The following UQCC1 variants were observed in gnomAD, a reference collection of about 807,000 sequenced individuals.
UQCC1 encodes ubiquinol-cytochrome c reductase complex assembly factor 1.
UQCC1 carries 38 observed loss-of-function variants against 48.0 expected under a neutral mutation model. The ratio of observed to expected loss-of-function variants is 0.79; its 90% CI spans 0.61 to 1.04. UQCC1 has a LOEUF of 1.04. Among genes scored for constraint, UQCC1 ranks in the 50% least tolerant of loss-of-function variants. The pLI, the probability that UQCC1 is intolerant of heterozygous loss-of-function variation, is 0.00. For synonymous variants in UQCC1, 111 were observed against 129.2 expected, an observed-to-expected ratio of 0.86 and a Z score of 0.95; for missense variants, 368 against 381.8, an observed-to-expected ratio of 0.96 and a Z score of 0.30.
In UQCC1 at chr20:35,367,092, T is replaced by TAAA. The variant is rs72469122; in HGVS notation, c.407-481_407-479dup. ...CTGGGCAATAGAGTGAGACTCTGTC[T>TAAA]AAAAAAAAAAAAAAAAACAAACAAA... is the stretch of plus-strand genomic sequence containing the variant. On this transcript the variant is annotated intron_variant, in intron 5 of 9. Coordinates refer to ENST00000374385, the MANE Select transcript of UQCC1 (RefSeq NM_018244.5). 2.6e-3 allele frequency among the ~76,000 whole-genome samples: 264 copies of TAAA among 101,658 alleles called. 4 individuals are homozygous for TAAA. The highest frequency in any genetic ancestry group is 5.4e-3 in the Middle Eastern group (1 of 186). 66.7% of individuals were successfully genotyped at this position (101,658 alleles called of 152,430 possible). A position where few individuals can be genotyped will look rare whatever the true frequency, so the allele number is the denominator to read the frequency against.
At position 35,401,540 on chromosome 20, in the gene UQCC1, G is replaced by A. The variant is rs565456185; in HGVS notation, c.25-7344C>T. Among the ~76,000 whole-genome samples, 327 of 152,078 alleles carry A rather than the reference G, an allele frequency of 2.2e-3. 2 individuals carry two copies. The highest frequency in any genetic ancestry group is 3.6e-3 in the Non-Finnish European group (242 of 68,004). Reference sequence around the variant, plus strand: ...TACCCCTCTGCAAATGTCCACAAGTGACTACAAAAGTGCTGCAAGTATTGA... The same window carrying A: ...TACCCCTCTGCAAATGTCCACAAGTAACTACAAAAGTGCTGCAAGTATTGA... On this transcript the variant is annotated intron_variant, in intron 1 of 9. Coordinates refer to ENST00000374385, the MANE Select transcript of UQCC1 (RefSeq NM_018244.5).
At chr20:35,390,965 G>A (rs2062007085) in intron 2 of UQCC1, among the ~76,000 whole-genome samples, 1 of 152,108 alleles carries the variant, frequency 6.6e-6, no homozygotes, top group South Asian at 2.1e-4. Flanking sequence ...AGAGGTCGAG[G>A]TGGGCGGATC....
chr20:35,391,150 C>T (rs1016949446), intron 2 of UQCC1, among the ~76,000 whole-genome samples: 1 of 151,218 alleles, frequency 6.6e-6, no homozygotes, highest in East Asian at 1.9e-4. Flanking sequence ...GCCAAGATCG[C>T]ACCACTGCAC....
At position 35,347,198 on chromosome 20, in the gene UQCC1, C is replaced by A; in HGVS notation, c.539G>T (p.Trp180Leu). Reference protein sequence around the residue: ...YMCRIIVHFMWEDVQQRGRVM... With the variant: ...YMCRIIVHFMLEDVQQRGRVM... ...TCTGCCGCGCTGCTGAACATCCTCC[C>A]ACATAAAATGAACTATGATACGACA... The change falls in exon 7 of 10, where the codon TGG (tryptophan) becomes TTG (leucine). Residue 180 changes from tryptophan to leucine, a missense_variant. Trp to Leu is a moderately conservative substitution (Grantham distance 61). Transcript: ENST00000374385. 1 of 1,614,166 alleles carries A rather than the reference C, an allele frequency of 6.2e-7. No individual in the cohort carries two copies. The highest frequency in any genetic ancestry group is 8.5e-7 in the Non-Finnish European group (1 of 1,180,036).
In UQCC1 at chr20:35,394,129, T is replaced by G. The variant is rs1200375461; in HGVS notation, c.92A>C (p.Gln31Pro). Reference sequence around the variant, plus strand: ...AGACAGAGCCCTGTCCCCCTGTCCTTGGGTAGGAGACACAGGTATCAATCG... The same window carrying G: ...AGACAGAGCCCTGTCCCCCTGTCCTGGGGTAGGAGACACAGGTATCAATCG... Reference protein sequence around the residue: ...CSRLIPVSPTQGQGDRALSRT... With the variant: ...CSRLIPVSPTPGQGDRALSRT... Residue 31 changes from glutamine to proline, a missense_variant, in exon 2 of 10, where the codon CAA becomes CCA. Physicochemically the swap from Gln to Pro is moderately conservative, Grantham distance 76 (BLOSUM62 -1). Transcript: ENST00000374385. The G allele has an allele frequency of 1.1e-5, 18 of 1,613,986 alleles. No individual in the cohort carries two copies. Among genetic ancestry groups the G allele is most frequent in the Non-Finnish European group, 1.4e-5 (17 of 1,179,994 alleles).
chr20:35,332,393 G>C (rs1402952898), intron 7 of UQCC1, among the ~76,000 whole-genome samples: 1 of 152,238 alleles, frequency 6.6e-6, no homozygotes, highest in Non-Finnish European at 1.5e-5. Context: ...AGGACTAGAA[G>C]GTATGGGATT....
chr20:35,411,956 A>T lies in UQCC1; in HGVS notation c.8T>A (p.Leu3Ter). 6.2e-7 allele frequency: 1 copy of T among 1,614,246 alleles called. No individual in the cohort carries two copies. The highest frequency in any genetic ancestry group is 8.5e-7 in the Non-Finnish European group (1 of 1,180,050). ...TTCACTCACAAGGACTCGCACCAGC[A>T]ACGCCATGTTCCTCAATAACCATTT... MA[L>*]LVRVLRNQTS... The change falls in exon 1 of 10, where the codon TTG (leucine) becomes TAG (stop). Residue 3 changes from leucine to a stop codon, truncating the protein, a stop_gained. Coordinates refer to ENST00000374385, the MANE Select transcript of UQCC1 (RefSeq NM_018244.5). LOFTEE classifies it high-confidence loss of function.
intron 5 of UQCC1, among the ~76,000 whole-genome samples, chr20:35,367,340 C>T (rs2061681469): frequency 1.3e-5 from 2 of 152,108 alleles, no homozygotes; most frequent in African/African-American, 4.8e-5. Flanking sequence ...GGCAAACACT[C>T]CCTTACTTTT....
intron 5 of UQCC1, among the ~76,000 whole-genome samples, chr20:35,373,687 C>CA (rs5841203): frequency 0.026 from 2,208 of 86,100 alleles, 74 homozygotes; most frequent in African/African-American, 0.084. Flanking sequence ...GACTCCATCT[C>CA]AAAAAAAAAA....
intron 4 of UQCC1, among the ~76,000 whole-genome samples, chr20:35,379,299 C>T (rs1401654528): frequency 2.0e-5 from 3 of 152,164 alleles, no homozygotes; most frequent in Admixed American, 6.5e-5. Context: ...CTGATGTGGA[C>T]AGACATGCAG....
At position 35,303,543 on chromosome 20, in the gene UQCC1, A is replaced by G. The variant is rs2060893203; in HGVS notation, c.*392T>C. The G allele has an allele frequency of 5.5e-6, 1 of 180,822 alleles. No homozygotes were observed. The highest frequency in any genetic ancestry group is 5.5e-5 in the Admixed American group (1 of 18,294). 11.2% of individuals were successfully genotyped at this position (180,822 alleles called of 1,614,324 possible). ...CGCGTGGTCACCGACCGGACTCGGCAGCATTACAATCTGCTCCTAGGCCAC... is the reference window on the plus strand; with the variant it reads ...CGCGTGGTCACCGACCGGACTCGGCGGCATTACAATCTGCTCCTAGGCCAC... On this transcript the variant is annotated 3_prime_UTR_variant, in exon 10 of 10. Transcript: ENST00000374385.
At chr20:35,343,397 T>G (rs1406245997) in intron 7 of UQCC1, among the ~76,000 whole-genome samples, 1 of 152,196 alleles carries the variant, frequency 6.6e-6, no homozygotes, top group African/African-American at 2.4e-5. Flanking sequence ...TGCCTATTAC[T>G]TCTCCCTAGC....
intron 6 of UQCC1, among the ~76,000 whole-genome samples, chr20:35,364,752 A>AT (rs2061647217): frequency 6.6e-6 from 1 of 152,370 alleles, no homozygotes; most frequent in Non-Finnish European, 1.5e-5. Context: ...TTAAAGAACT[A>AT]TAAGTAGTTT....
At chr20:35,347,977 C>T (rs930266120) in intron 6 of UQCC1, among the ~76,000 whole-genome samples, 2 of 152,142 alleles carry the variant, frequency 1.3e-5, no homozygotes, top group Non-Finnish European at 2.9e-5. Flanking sequence ...TTCTGTTGGA[C>T]AACACCTGTC....
chr20:35,385,980 A>C (rs1365049514), intron 2 of UQCC1, among the ~76,000 whole-genome samples: 1 of 151,708 alleles, frequency 6.6e-6, no homozygotes, highest in African/African-American at 2.4e-5. Flanking sequence ...GGTGCATTTG[A>C]TACAAAGAAC....
At chr20:35,362,052 A>ATT (rs2061611763) in intron 6 of UQCC1, among the ~76,000 whole-genome samples, 1 of 152,230 alleles carries the variant, frequency 6.6e-6, no homozygotes, top group East Asian at 1.9e-4. Flanking sequence ...AACACTTACA[A>ATT]TGCCAACACA....
At chr20:35,318,725 A>G (rs112495370) in intron 7 of UQCC1, among the ~76,000 whole-genome samples, 261 of 152,338 alleles carry the variant, frequency 1.7e-3, no homozygotes, top group Non-Finnish European at 3.0e-3. Context: ...ATCAGTACAG[A>G]CACGTGATCT....
chr20:35,340,511 C>CT (rs887707297), intron 7 of UQCC1, among the ~76,000 whole-genome samples: 1 of 152,148 alleles, frequency 6.6e-6, no homozygotes, highest in Non-Finnish European at 1.5e-5. Flanking sequence ...TACACTCACA[C>CT]TTTTTTCCCC....
At chr20:35,363,081 T>C (rs1600947570) in intron 6 of UQCC1, among the ~76,000 whole-genome samples, 1 of 151,588 alleles carries the variant, frequency 6.6e-6, no homozygotes, top group Non-Finnish European at 1.5e-5. Context: ...TATCAGAGAT[T>C]ACCTGACATT....
Sources: allele counts gnomAD v4.1 joint callset (sites outside exome capture counted in the v4.1 genomes callset), GRCh38; gene constraint gnomAD v4.1.1; transcripts MANE v1.5; gene names NCBI Gene and HGNC (gene_info 2026-07-23, HGNC 2026-07-21).